The following DACH2 variants were observed in gnomAD, a reference collection of about 807,000 sequenced individuals.
DACH2 encodes the protein dachshund homolog 2.
DACH2 carries 17 observed loss-of-function variants against 35.8 expected under a neutral mutation model. The observed-to-expected ratio is 0.48, with a 90% CI of 0.33 to 0.71. The LOEUF is 0.71. DACH2 is among the 30% of genes least tolerant of loss of function. The pLI is 0.02. For synonymous variants in DACH2, 195 were observed against 177.3 expected, an observed-to-expected ratio of 1.10 and a Z score of -0.79; for missense variants, 469 against 472.7, an observed-to-expected ratio of 0.99 and a Z score of 0.07.
intron 1 of DACH2, among the ~76,000 whole-genome samples, chrX:86,259,188 T>C (rs149634848): frequency 6.2e-5 from 7 of 112,252 alleles, no homozygotes; most frequent in Admixed American, 9.5e-5. Context: ...AATATAATTT[T>C]CTCTCCCTGT....
intron 1 of DACH2, among the ~76,000 whole-genome samples, chrX:86,250,194 G>A (rs1236794460): frequency 1.8e-5 from 2 of 111,308 alleles, no homozygotes; most frequent in Non-Finnish European, 3.8e-5. Context: ...TGTACTTCGT[G>A]AACCTAAAAT....
At chrX:86,364,643 A>G (rs1403347232) in intron 1 of DACH2, among the ~76,000 whole-genome samples, 1 of 111,795 alleles carries the variant, frequency 8.9e-6, no homozygotes, top group Non-Finnish European at 1.9e-5. Context: ...GGAGTATTCA[A>G]TCATCTCCAT....
chrX:86,568,999 C>T (rs1331445973), intron 3 of DACH2, among the ~76,000 whole-genome samples: 1 of 111,318 alleles, frequency 9.0e-6, no homozygotes, highest in Non-Finnish European at 1.9e-5. Context: ...TGTATCTGAG[C>T]ATATCTAAAA....
At chrX:86,753,291 A>G (rs2041794155) in intron 7 of DACH2, among the ~76,000 whole-genome samples, 1 of 112,127 alleles carries the variant, frequency 8.9e-6, no homozygotes, top group Non-Finnish European at 1.9e-5. Flanking sequence ...AAATACATTC[A>G]TTCATTCATT....
At chrX:86,345,293 C>T (rs2035477833) in intron 1 of DACH2, 4 of 160,463 alleles carry the variant, frequency 2.5e-5, no homozygotes, top group Admixed American at 2.5e-4. Context: ...GCCAATAAAC[C>T]TTATTATAGT....
At chrX:86,610,413 CTTTCTTTT>C (rs773927348) in intron 3 of DACH2, among the ~76,000 whole-genome samples, 1 of 68,188 alleles carries the variant, frequency 1.5e-5, no homozygotes, top group Non-Finnish European at 2.8e-5. Flanking sequence ...TTCTTTCTTT[CTTTCTTTT>C]CTTTCTTTCT....
chrX:86,797,219 G>A (rs191233708), intron 7 of DACH2, among the ~76,000 whole-genome samples: 210 of 110,790 alleles, frequency 1.9e-3, no homozygotes, highest in African/African-American at 6.6e-3. Context: ...AATGTCACTG[G>A]AAGTTGAGAA....
intron 1 of DACH2, among the ~76,000 whole-genome samples, chrX:86,205,425 CCCTCCCT>C (rs2032262438): frequency 5.3e-5 from 3 of 57,024 alleles, no homozygotes; most frequent in Non-Finnish European, 9.6e-5. Flanking sequence ...TTCCTTCCTT[CCCTCCCT>C]CCTCCCTCCC....
At chrX:86,625,890 C>G (rs866315376) in intron 3 of DACH2, among the ~76,000 whole-genome samples, 1 of 111,409 alleles carries the variant, frequency 9.0e-6, no homozygotes, top group African/African-American at 3.3e-5. Flanking sequence ...ATGGGAGCTA[C>G]AATTCAAGAT....
intron 3 of DACH2, among the ~76,000 whole-genome samples, chrX:86,575,042 G>T (rs1207960952): frequency 3.6e-5 from 4 of 111,258 alleles, no homozygotes; most frequent in Non-Finnish European, 7.6e-5. Flanking sequence ...AGAGATGGGT[G>T]AAAAATATCT....
chrX:86,375,346 A>T (rs1220895197), intron 1 of DACH2, among the ~76,000 whole-genome samples: 1 of 101,560 alleles, frequency 9.8e-6, no homozygotes, highest in Non-Finnish European at 2.0e-5. Context: ...ATATTTATAT[A>T]GTATAATTAT....
chrX:86,454,104 C>T (rs1375536305), intron 2 of DACH2, among the ~76,000 whole-genome samples: 2 of 111,236 alleles, frequency 1.8e-5, no homozygotes, highest in Non-Finnish European at 3.8e-5. Flanking sequence ...AATAGTGGCC[C>T]CCAATCTCTT....
At chrX:86,688,218 C>A (rs2040971069) in intron 4 of DACH2, among the ~76,000 whole-genome samples, 1 of 111,710 alleles carries the variant, frequency 9.0e-6, no homozygotes, top group African/African-American at 3.3e-5. Flanking sequence ...TTCCTGGGTA[C>A]TGCTCTGCTC....
At chrX:86,494,598 G>T (rs1417024483) in intron 2 of DACH2, among the ~76,000 whole-genome samples, 1 of 112,514 alleles carries the variant, frequency 8.9e-6, no homozygotes, top group Non-Finnish European at 1.9e-5. Flanking sequence ...CTCTGATTGG[G>T]CATCTAACTC....
chrX:86,788,654 A>T (rs762314128), intron 7 of DACH2, among the ~76,000 whole-genome samples: 8 of 111,682 alleles, frequency 7.2e-5, no homozygotes, highest in Non-Finnish European at 1.5e-4. Flanking sequence ...CCTTTCCCTT[A>T]TTGTTACTGA....
At chrX:86,195,966 C>G (rs1336310087) in intron 1 of DACH2, among the ~76,000 whole-genome samples, 1 of 112,011 alleles carries the variant, frequency 8.9e-6, no homozygotes, top group Non-Finnish European at 1.9e-5. Context: ...ACTGAAGGAA[C>G]ATAAGCCCAC....
chrX:86,576,906 C>T (rs1353431495), intron 3 of DACH2, among the ~76,000 whole-genome samples: 1 of 111,218 alleles, frequency 9.0e-6, no homozygotes, highest in Non-Finnish European at 1.9e-5. Context: ...CTGCCTTTTG[C>T]CTTCTGCTCT....
intron 2 of DACH2, among the ~76,000 whole-genome samples, chrX:86,406,116 A>G (rs1353574504): frequency 1.8e-5 from 2 of 111,877 alleles, no homozygotes; most frequent in Admixed American, 9.5e-5. Context: ...GACACGGCCA[A>G]ATCATATCAT....
At chrX:86,482,434 C>T (rs1602568847) in intron 2 of DACH2, among the ~76,000 whole-genome samples, 1 of 111,745 alleles carries the variant, frequency 8.9e-6, no homozygotes, top group East Asian at 2.8e-4. Flanking sequence ...GGAAGTCTAT[C>T]ATTGTTGGAC....
Sources: gnomAD v4.1 joint callset for allele counts (sites outside exome capture counted in the v4.1 genomes callset) on GRCh38, gnomAD v4.1.1 for gene constraint, MANE v1.5 for transcripts, NCBI Gene and HGNC (gene_info 2026-07-23, HGNC 2026-07-21) for gene names.